The following DGKB variants were observed in gnomAD, a reference collection of about 807,000 sequenced individuals.
DGKB encodes the protein diacylglycerol kinase beta.
DGKB carries 67 observed loss-of-function variants against 114.3 expected under a neutral mutation model. The ratio of observed to expected loss-of-function variants is 0.59; its 90% CI spans 0.48 to 0.72. DGKB has a LOEUF of 0.72. Ranked by LOEUF, DGKB falls within the 30% of genes least tolerant of loss-of-function variation. DGKB has a pLI of 0.00. For missense variants in DGKB, 907 were observed against 975.2 expected, an observed-to-expected ratio of 0.93 and a Z score of 0.93; for synonymous variants, 398 against 323.1, an observed-to-expected ratio of 1.23 and a Z score of -2.49.
rs570598660 is a variant in DGKB at position 14,766,627 on chromosome 7, T to C, written c.71-8896A>G. 7.2e-5 allele frequency among the ~76,000 whole-genome samples: 11 copies of C among 151,988 alleles called. No individual in the cohort carries two copies. The East Asian group carries it at 1.9e-3, about 27-fold the overall frequency. Reference sequence around the variant, plus strand: ...AATTATTTATGAGTGTGGAACCCAATAGAGAAGCCTGGGCTGAAGAACGAA... The same window carrying C: ...AATTATTTATGAGTGTGGAACCCAACAGAGAAGCCTGGGCTGAAGAACGAA... On this transcript the variant is annotated intron_variant, in intron 2 of 25. Transcript: ENST00000402815.
chr7:14,612,887 T>G (rs1779380045), intron 16 of DGKB, among the ~76,000 whole-genome samples: 1 of 152,150 alleles, frequency 6.6e-6, no homozygotes, highest in African/African-American at 2.4e-5. Flanking sequence ...TTAAATATAT[T>G]GTACTTCTCC....
intron 21 of DGKB, among the ~76,000 whole-genome samples, chr7:14,345,882 A>C (rs907845159): frequency 4.0e-5 from 6 of 151,720 alleles, no homozygotes; most frequent in Middle Eastern, 3.4e-3. Flanking sequence ...AAAGACTCAA[A>C]ATTTATTTTC....
intron 4 of DGKB, among the ~76,000 whole-genome samples, chr7:14,749,405 T>C (rs909911064): frequency 6.6e-6 from 1 of 152,132 alleles, no homozygotes; most frequent in African/African-American, 2.4e-5. Flanking sequence ...AGTCACATAC[T>C]CCATTAACTC....
At chr7:14,213,110 T>TA (rs1422653123) in intron 23 of DGKB, among the ~76,000 whole-genome samples, 6 of 149,920 alleles carry the variant, frequency 4.0e-5, no homozygotes, top group Non-Finnish European at 8.8e-5. Flanking sequence ...TCAATTTTTA[T>TA]AAAAAAATGG....
At chr7:14,682,722 C>T in intron 11 of DGKB, 31 bp downstream of exon 11, 1 of 1,608,436 alleles carries the variant, frequency 6.2e-7, no homozygotes, top group South Asian at 1.1e-5. Context: ...TAATGGCCAC[C>T]TTCAGAAAGC....
At chr7:14,812,488 C>G (rs536237263) in intron 2 of DGKB, among the ~76,000 whole-genome samples, 2 of 152,020 alleles carry the variant, frequency 1.3e-5, no homozygotes, top group Middle Eastern at 3.4e-3. Context: ...TTTTTTCTGC[C>G]CCTTATTTTC....
At chr7:14,547,312 C>T (rs1396033328) in intron 20 of DGKB, among the ~76,000 whole-genome samples, 1 of 152,070 alleles carries the variant, frequency 6.6e-6, no homozygotes, top group Non-Finnish European at 1.5e-5. Context: ...TTTTTAATTT[C>T]TGTACATACC....
At chr7:14,505,044 A>T (rs145727383) in intron 20 of DGKB, among the ~76,000 whole-genome samples, 3 of 152,206 alleles carry the variant, frequency 2.0e-5, no homozygotes, top group Non-Finnish European at 4.4e-5. Flanking sequence ...CTACGGTGCT[A>T]TCTCTTAACC....
At chr7:14,515,903 G>C (rs1471728330) in intron 20 of DGKB, among the ~76,000 whole-genome samples, 1 of 152,112 alleles carries the variant, frequency 6.6e-6, no homozygotes, top group Non-Finnish European at 1.5e-5. Flanking sequence ...GGAGTGCAGT[G>C]GCAAGCTCAT....
intron 23 of DGKB, among the ~76,000 whole-genome samples, chr7:14,335,870 C>A (rs1288140081): frequency 6.6e-6 from 1 of 152,210 alleles, no homozygotes; most frequent in African/African-American, 2.4e-5. Flanking sequence ...TGTCCCTCCT[C>A]AGCCTTCTGA....
At chr7:14,325,423 G>A (rs946784105) in intron 23 of DGKB, among the ~76,000 whole-genome samples, 3 of 152,176 alleles carry the variant, frequency 2.0e-5, no homozygotes, top group African/African-American at 7.2e-5. Flanking sequence ...GATTCACCAT[G>A]AAGAAGAAAG....
At chr7:14,784,376 T>TC (rs918316466) in intron 2 of DGKB, among the ~76,000 whole-genome samples, 6 of 150,422 alleles carry the variant, frequency 4.0e-5, no homozygotes, top group African/African-American at 9.8e-5. Context: ...GCTTTTTTTT[T>TC]TTTTTTTTTG....
intron 23 of DGKB, among the ~76,000 whole-genome samples, chr7:14,265,318 C>CTTTTTTTTTTTGTTTTTTTTTTTT (rs1797333770): frequency 1.5e-5 from 1 of 67,752 alleles, no homozygotes; most frequent in African/African-American, 6.8e-5. Flanking sequence ...CTCTTGCATT[C>CTTTTTTTTTTTGTTTTTTTTTTTT]TTTTTTTTTT....
intron 1 of DGKB, among the ~76,000 whole-genome samples, chr7:14,870,410 C>T (rs371864283): frequency 5.8e-4 from 89 of 152,296 alleles, no homozygotes; most frequent in African/African-American, 2.0e-3. Flanking sequence ...TCCCAACCAT[C>T]TCTGAAAAAT....
At chr7:14,154,110 G>A (rs192698535) in intron 25 of DGKB, among the ~76,000 whole-genome samples, 24 of 150,182 alleles carry the variant, frequency 1.6e-4, no homozygotes, top group Middle Eastern at 3.5e-3. Flanking sequence ...AACCTAAAGA[G>A]AAGGGCTTCT....
At chr7:14,753,071 G>T (rs1434103855) in intron 4 of DGKB, among the ~76,000 whole-genome samples, 2 of 152,166 alleles carry the variant, frequency 1.3e-5, no homozygotes, top group Non-Finnish European at 2.9e-5. Flanking sequence ...TGTAGGATCT[G>T]TATCTAAGTC....
chr7:14,449,330 T>C (rs1831151284), intron 21 of DGKB, among the ~76,000 whole-genome samples: 1 of 152,098 alleles, frequency 6.6e-6, no homozygotes, highest in African/African-American at 2.4e-5. Flanking sequence ...TTTGTGTACC[T>C]TTGCATTTTA....
At chr7:14,706,485 C>G (rs1270224442) in intron 6 of DGKB, among the ~76,000 whole-genome samples, 7 of 150,324 alleles carry the variant, frequency 4.7e-5, no homozygotes, top group East Asian at 2.0e-4. Context: ...ATCTACAGAA[C>G]TCTCCACCCC....
At chr7:14,827,031 T>C (rs1845793154) in intron 2 of DGKB, among the ~76,000 whole-genome samples, 1 of 151,986 alleles carries the variant, frequency 6.6e-6, no homozygotes, top group Non-Finnish European at 1.5e-5. Context: ...GCATTGCCAG[T>C]TTTAACATTG....
Sources: allele counts gnomAD v4.1 joint callset (sites outside exome capture counted in the v4.1 genomes callset), GRCh38; gene constraint gnomAD v4.1.1; transcripts MANE v1.5; gene names NCBI Gene and HGNC (gene_info 2026-07-23, HGNC 2026-07-21).